Variants in LRP1B observed in about 807,000 individuals in gnomAD.
LRP1B encodes the protein low-density lipoprotein receptor-related protein 1B.
Under a neutral mutation model 556.6 loss-of-function variants are expected in LRP1B, and 217 were observed. That is an observed-to-expected ratio of 0.39 (90% CI 0.35 to 0.44). The LOEUF is 0.44. LRP1B is among the 20% of genes least tolerant of loss of function. LRP1B has a pLI of 1.00. For missense variants in LRP1B, 5,053 were observed against 5,620.8 expected, an observed-to-expected ratio of 0.90 and a Z score of 3.23; for synonymous variants, 2,047 against 1,865.8, an observed-to-expected ratio of 1.10 and a Z score of -2.50.
intron 84 of LRP1B, among the ~76,000 whole-genome samples, chr2:140,293,382 A>G (rs1683473553): frequency 6.6e-6 from 1 of 152,208 alleles, no homozygotes; most frequent in South Asian, 2.1e-4. Context: ...TTCTTTAACA[A>G]CTTACTTAAA....
At chr2:140,612,945 A>C (rs1559005417) in intron 41 of LRP1B, among the ~76,000 whole-genome samples, 2 of 151,756 alleles carry the variant, frequency 1.3e-5, no homozygotes, top group African/African-American at 4.8e-5. Flanking sequence ...TTTCTGACAC[A>C]CTTCAGTCTT....
chr2:140,919,933 A>G (rs1413649199), intron 21 of LRP1B, among the ~76,000 whole-genome samples: 1 of 152,044 alleles, frequency 6.6e-6, no homozygotes, highest in Non-Finnish European at 1.5e-5. Flanking sequence ...TATTGTTTCT[A>G]ATTTTTTACT....
At position 140,565,628 on chromosome 2, in the gene LRP1B, G is replaced by A. The variant is rs188505341; in HGVS notation, c.7195-23657C>T. On this transcript the variant is annotated intron_variant, in intron 43 of 90. Coordinates refer to ENST00000389484, the MANE Select transcript of LRP1B (RefSeq NM_018557.3). ...CAAGATGTTTGATAAGAAATCCCTAGTGCTCATTTCCCAACAAAAACAGCC... is the reference window on the plus strand; with the variant it reads ...CAAGATGTTTGATAAGAAATCCCTAATGCTCATTTCCCAACAAAAACAGCC... Among the ~76,000 whole-genome samples, 7 of 152,282 alleles carry A rather than the reference G, an allele frequency of 4.6e-5. No individual in the cohort carries two copies. The East Asian group carries it at 1.3e-3, about 29-fold the overall frequency.
intron 2 of LRP1B, among the ~76,000 whole-genome samples, chr2:141,695,123 A>T (rs1198499832): frequency 6.6e-6 from 1 of 151,784 alleles, no homozygotes; most frequent in Non-Finnish European, 1.5e-5. Flanking sequence ...CTTTCATGCC[A>T]TTTATTTTTT....
At chr2:141,704,890 C>G (rs1473818261) in intron 2 of LRP1B, among the ~76,000 whole-genome samples, 1 of 151,938 alleles carries the variant, frequency 6.6e-6, no homozygotes, top group African/African-American at 2.4e-5. Context: ...CTTTGGTAAT[C>G]ATCTGATTCA....
intron 49 of LRP1B, among the ~76,000 whole-genome samples, chr2:140,517,816 T>A (rs1689982061): frequency 6.6e-6 from 1 of 151,320 alleles, no homozygotes; most frequent in Non-Finnish European, 1.5e-5. Flanking sequence ...GTTCAAGTGA[T>A]TCTCCTGCCT....
At chr2:141,425,072 C>A (rs1680304027) in intron 3 of LRP1B, among the ~76,000 whole-genome samples, 1 of 144,846 alleles carries the variant, frequency 6.9e-6, no homozygotes, top group Non-Finnish European at 1.5e-5. Context: ...CTCCCCCGTC[C>A]CCCAACCCCA....
At chr2:141,678,668 AC>A (rs1305926280) in intron 2 of LRP1B, among the ~76,000 whole-genome samples, 18 of 152,354 alleles carry the variant, frequency 1.2e-4, no homozygotes, top group Non-Finnish European at 2.6e-4. Context: ...AAGAATATCT[AC>A]ATATTAAGAA....
At chr2:141,133,682 T>G (rs187896852) in intron 7 of LRP1B, among the ~76,000 whole-genome samples, 304 of 152,178 alleles carry the variant, frequency 2.0e-3, no homozygotes, top group Middle Eastern at 0.01. Flanking sequence ...TAACTTATTC[T>G]GTACTCCCCT....
At chr2:141,233,712 T>TAA (rs913009254) in intron 5 of LRP1B, among the ~76,000 whole-genome samples, 3 of 152,124 alleles carry the variant, frequency 2.0e-5, no homozygotes, top group African/African-American at 4.8e-5. Context: ...TCAGGGTGTA[T>TAA]AAAAACTTGT....
chr2:141,347,572 C>T (rs1317284678), intron 3 of LRP1B, among the ~76,000 whole-genome samples: 3 of 151,876 alleles, frequency 2.0e-5, no homozygotes, highest in African/African-American at 7.3e-5. Context: ...GAAAGACATA[C>T]CTGCTTGCAG....
chr2:141,168,872 G>A (rs889822454), intron 7 of LRP1B, among the ~76,000 whole-genome samples: 2 of 151,978 alleles, frequency 1.3e-5, no homozygotes, highest in African/African-American at 4.8e-5. Flanking sequence ...AATAATACAA[G>A]CAAAGAGCTT....
intron 1 of LRP1B, among the ~76,000 whole-genome samples, chr2:142,017,953 C>CT (rs1263779468): frequency 6.4e-5 from 3 of 46,700 alleles, no homozygotes; most frequent in East Asian, 5.3e-4. Context: ...TACTGACACG[C>CT]TCTTTTTTTT....
intron 3 of LRP1B, among the ~76,000 whole-genome samples, chr2:141,270,086 G>T (rs1467657522): frequency 6.6e-6 from 1 of 152,010 alleles, no homozygotes; most frequent in African/African-American, 2.4e-5. Flanking sequence ...AAGAACTCCT[G>T]CAAGTCAACA....
At chr2:140,929,691 T>C (rs1364098955) in intron 20 of LRP1B, among the ~76,000 whole-genome samples, 1 of 151,382 alleles carries the variant, frequency 6.6e-6, no homozygotes, top group East Asian at 1.9e-4. Context: ...TTTATAAGGG[T>C]TTTATGTATA....
At chr2:141,815,742 C>A (rs761659405) in intron 1 of LRP1B, among the ~76,000 whole-genome samples, 1 of 152,160 alleles carries the variant, frequency 6.6e-6, no homozygotes, top group Non-Finnish European at 1.5e-5. Context: ...CCTTGGATCC[C>A]GTTCCACGCT....
Position 141,061,602 on chromosome 2 carries a change from C to T in LRP1B, c.1236+449G>A, listed in dbSNP as rs114028006. 3.2e-3 allele frequency among the ~76,000 whole-genome samples: 493 copies of T among 151,814 alleles called. 2 individuals are homozygous for T. The highest frequency in any genetic ancestry group is 8.5e-3 in the South Asian group (41 of 4,830). Reference sequence around the variant, plus strand: ...AATACATCAGAAGTCAAAATTTAATCGAACTTGTTATAATAAAGGTACTTT... The same window carrying T: ...AATACATCAGAAGTCAAAATTTAATTGAACTTGTTATAATAAAGGTACTTT... On this transcript the variant is annotated intron_variant, in intron 8 of 90. Transcript: ENST00000389484.
intron 41 of LRP1B, among the ~76,000 whole-genome samples, chr2:140,610,184 A>T (rs943507126): frequency 6.6e-6 from 1 of 150,980 alleles, no homozygotes; most frequent in Non-Finnish European, 1.5e-5. Flanking sequence ...CTAAAATTTT[A>T]TGTGTTGTTT....
At chr2:140,707,852 C>A (rs1255453428) in intron 37 of LRP1B, among the ~76,000 whole-genome samples, 1 of 152,036 alleles carries the variant, frequency 6.6e-6, no homozygotes, top group African/African-American at 2.4e-5. Flanking sequence ...AAGCACTCAA[C>A]CACAGGTAGC....
Sources: allele counts gnomAD v4.1 joint callset (sites outside exome capture counted in the v4.1 genomes callset), GRCh38; gene constraint gnomAD v4.1.1; transcripts MANE v1.5; gene names NCBI Gene and HGNC (gene_info 2026-07-23, HGNC 2026-07-21).